LTBR: variants seen among roughly 807,000 people sequenced by gnomAD.
LTBR encodes tumor necrosis factor receptor superfamily member 3.
A neutral mutation model predicts 45.4 loss-of-function variants in LTBR; 15 were observed. The ratio of observed to expected loss-of-function variants is 0.33; its 90% CI spans 0.22 to 0.51. The LOEUF is 0.51. Ranked by LOEUF, LTBR falls within the 20% of genes least tolerant of loss-of-function variation. The pLI is 0.97. For missense variants in LTBR, 450 were observed against 565.5 expected, an observed-to-expected ratio of 0.80 and a Z score of 2.07; for synonymous variants, 228 against 231.0, an observed-to-expected ratio of 0.99 and a Z score of 0.12.
At chr12:6,383,514 A>AG (rs1565492755), upstream of LTBR, among the ~76,000 whole-genome samples, 1 of 152,136 alleles carries the variant, frequency 6.6e-6, no homozygotes, top group Non-Finnish European at 1.5e-5. Context: ...TGCTGGCCCC[A>AG]GGACTCCCCT....
Position 6,391,499 on chromosome 12 carries a change from T to G in LTBR, c.*562T>G, listed in dbSNP as rs914205799. 6.6e-6 allele frequency: 1 copy of G among 152,124 alleles called. No individual in the cohort carries two copies. Among genetic ancestry groups the G allele is most frequent in the Non-Finnish European group, 1.5e-5 (1 of 68,056 alleles). The allele number at this position is 152,124 out of a possible 1,614,324, so 9.4% of individuals were successfully genotyped here. ...GATTCCTAGGTATGGGGAAGAGTTT[T>G]GGAAGGGGAGGAAAATGGCAAGTGT... is the stretch of plus-strand genomic sequence containing the variant. On this transcript the variant is annotated 3_prime_UTR_variant, in exon 10 of 10. Coordinates refer to ENST00000228918, the MANE Select transcript of LTBR (RefSeq NM_002342.3).
Position 6,390,918 on chromosome 12 carries a change from A to G in LTBR, c.1289A>G (p.Gln430Arg), listed in dbSNP as rs765147266. ...ATPSNRGPRN[Q>R]FITHD ...CCCTCTAACAGGGGCCCAAGGAACC[A>G]ATTTATCACCCATGACTGACTGAGT... Residue 430 changes from glutamine to arginine, a missense_variant, in exon 10 of 10, where the codon CAA becomes CGA. Gln to Arg is a conservative substitution (Grantham distance 43). This residue lies in a region of LTBR where 71 missense variants were observed against 90.4 expected (regional missense o/e 0.79). Transcript: ENST00000228918. 3.8e-6 allele frequency: 6 copies of G among 1,579,692 alleles called. No homozygotes were observed. In the African/African-American group the frequency reaches 8.2e-5, roughly 21 times the overall value.
intron 1 of LTBR, 40 bp from the exon 2 acceptor site, chr12:6,384,548 T>C: frequency 6.2e-7 from 1 of 1,611,022 alleles, no homozygotes; most frequent in Non-Finnish European, 8.5e-7. Context: ...AGCTGACCCC[T>C]GACTAATTCT....
chr12:6,386,471 G>GA lies in LTBR; in HGVS notation c.667+27_667+28insA, dbSNP rs1555117369. The GA allele has an allele frequency of 1.9e-6, 3 of 1,570,944 alleles. No individual in the cohort carries two copies. Among genetic ancestry groups the GA allele is most frequent in the Admixed American group, 3.4e-5 (2 of 59,404 alleles). On this transcript the variant is annotated intron_variant, in intron 6 of 9. Transcript: ENST00000228918. The surrounding 1 kb of genome is among the most constrained non-coding windows in gnomAD (Gnocchi z 4.1). ...TGAGGGACCAGGGCTGAGGGACACG[G>GA]GGGGGGCGCCTCTGAAAATGCCTTA...
At chr12:6,380,413 G>A (rs1028294455), upstream of LTBR, among the ~76,000 whole-genome samples, 1 of 152,188 alleles carries the variant, frequency 6.6e-6, no homozygotes, top group Non-Finnish European at 1.5e-5. Flanking sequence ...GGGTACAGTG[G>A]CTCGTGCCTG....
intron 4 of LTBR, 98 bp from the exon 5 acceptor site, chr12:6,385,968 T>C: frequency 1.3e-6 from 1 of 749,192 alleles, no homozygotes; most frequent in Non-Finnish European, 2.4e-6. Flanking sequence ...CGCAATGGGG[T>C]GGATGGGCAT....
chr12:6,377,145 C>T (rs1317166149), intron 1 of LTBR: 1 of 856,256 alleles, frequency 1.2e-6, no homozygotes, highest in East Asian at 2.7e-5. Flanking sequence ...ACTCCAGGCT[C>T]AGGGTCCAAC....
intron 4 of LTBR, 26 bp downstream of exon 4, chr12:6,385,405 G>A (rs1220327618): frequency 1.9e-6 from 3 of 1,611,696 alleles, no homozygotes; most frequent in African/African-American, 2.7e-5. Context: ...GGGGCTGGAT[G>A]TGAAAAGGAG....
upstream of LTBR, among the ~76,000 whole-genome samples, chr12:6,383,531 A>G (rs1404655425): frequency 6.6e-6 from 1 of 152,064 alleles, no homozygotes; most frequent in Non-Finnish European, 1.5e-5. Context: ...CCCTCCGCAT[A>G]TCCTCCCCCT....
chr12:6,376,236 C>T (rs966545879), intron 1 of LTBR: 7 of 968,026 alleles, frequency 7.2e-6, no homozygotes, highest in Non-Finnish European at 8.6e-6. Flanking sequence ...CCTCCTCTTT[C>T]CTGCTGATTC....
At chr12:6,375,955 A>T in intron 1 of LTBR, 1 of 1,003,584 alleles carries the variant, frequency 1.0e-6, no homozygotes, top group Non-Finnish European at 1.2e-6. Context: ...GCACTGAGTG[A>T]GTAGAGGCAG....
At chr12:6,387,765 G>A (rs1022319814) in intron 6 of LTBR, 8 of 403,122 alleles carry the variant, frequency 2.0e-5, no homozygotes, top group African/African-American at 1.0e-4. Context: ...TGGAGAAGCC[G>A]AACTCCAGCC....
intron 1 of LTBR, among the ~76,000 whole-genome samples, chr12:6,377,923 T>C (rs1014390323): frequency 1.3e-5 from 2 of 152,252 alleles, no homozygotes; most frequent in African/African-American, 4.8e-5. Flanking sequence ...GCGAGCCTAG[T>C]GCTGCAGCAT....
rs41441750 is a variant in LTBR, at chr12:6,384,579, C to G, written c.97-9C>G. 16 of 1,613,266 alleles carry G rather than the reference C, an allele frequency of 9.9e-6. No individual in the cohort carries two copies. In the African/African-American group the frequency reaches 1.6e-4, roughly 16 times the overall value. On this transcript the variant is annotated splice_polypyrimidine_tract_variant and intron_variant, in intron 1 of 9. Coordinates refer to ENST00000228918, the MANE Select transcript of LTBR (RefSeq NM_002342.3). ...ATTCTTCTCTCCTCTTCTCCATCTC[C>G]CTTTGAAGGTGCCTCCATATGCGTC...
chr12:6,384,647 G>C lies in LTBR; in HGVS notation c.156G>C (p.Glu52Asp). Residue 52 changes from glutamate (E) to aspartate (D), a missense_variant, in exon 2 of 10, where the codon GAG (glutamate) becomes GAC (aspartate). This residue lies in a region of LTBR where 367 missense variants were observed against 435.4 expected (regional missense o/e 0.84). Transcript: ENST00000228918. ...GGGACCAGGAAAAGGAATACTATGA[G>C]CCCCAGCACCGCATCTGCTGCTCCC... ...TCRDQEKEYY[E>D]PQHRICCSRC... 1 of 1,614,232 alleles carries C rather than the reference G, an allele frequency of 6.2e-7. No individual in the cohort carries two copies. The highest frequency in any genetic ancestry group is 1.3e-5 in the African/African-American group (1 of 75,062).
upstream of LTBR, among the ~76,000 whole-genome samples, chr12:6,380,822 C>T (rs1948975831): frequency 6.6e-6 from 1 of 152,148 alleles, no homozygotes; most frequent in Admixed American, 6.6e-5. Flanking sequence ...GGAGAAGAGT[C>T]CCACCCTCAC....
intron 1 of LTBR, among the ~76,000 whole-genome samples, chr12:6,378,856 C>T (rs1446731717): frequency 1.3e-5 from 2 of 152,242 alleles, no homozygotes; most frequent in Middle Eastern, 3.4e-3. Flanking sequence ...CAGCCCTTCC[C>T]GCCAACCCAG....
At chr12:6,390,362 G>C in intron 9 of LTBR, 22 bp downstream of exon 9, 7 of 1,561,344 alleles carry the variant, frequency 4.5e-6, no homozygotes, top group Non-Finnish European at 6.1e-6. Flanking sequence ...GCAGGGAGAA[G>C]AGAGGAAGGA....
upstream of LTBR, among the ~76,000 whole-genome samples, chr12:6,380,724 G>T (rs1460980559): frequency 6.6e-6 from 1 of 151,412 alleles, no homozygotes; most frequent in East Asian, 1.9e-4. Context: ...AGAAGAAGAA[G>T]AATCCATTTC....
Sources: allele counts gnomAD v4.1 joint callset (sites outside exome capture counted in the v4.1 genomes callset), GRCh38; gene constraint gnomAD v4.1.1; regional missense constraint gnomAD v4.1.1; non-coding constraint Gnocchi (gnomAD v3.1); transcripts MANE v1.5; gene names NCBI Gene and HGNC (gene_info 2026-07-23, HGNC 2026-07-21).